Variants in NCKAP5 observed in about 807,000 individuals in gnomAD.
The protein encoded by NCKAP5 is NCK associated protein 5, also known as nck-associated protein 5.
A neutral mutation model predicts 167.0 loss-of-function variants in NCKAP5; 92 were observed. The ratio of observed to expected loss-of-function variants is 0.55; its 90% CI spans 0.47 to 0.66. NCKAP5 has a LOEUF of 0.66. Among genes scored for constraint, NCKAP5 ranks in the 30% least tolerant of loss-of-function variants. The pLI, the probability that NCKAP5 is intolerant of heterozygous loss-of-function variation, is 0.00. For missense variants in NCKAP5, 2,378 were observed against 2,315.0 expected (o/e 1.03, Z -0.56); for synonymous variants, 891 against 877.4 (o/e 1.02, Z -0.27).
chr2:133,538,916 TTG>T (rs1464314793), intron 2 of NCKAP5, among the ~76,000 whole-genome samples: 3 of 149,960 alleles, frequency 2.0e-5, no homozygotes, highest in Non-Finnish European at 3.0e-5. Flanking sequence ...TGGTTTTTTT[TTG>T]TGGTTTTTTT....
chr2:133,466,261 T>C (rs1692578468), intron 3 of NCKAP5, among the ~76,000 whole-genome samples: 2 of 148,168 alleles, frequency 1.3e-5, no homozygotes, highest in Non-Finnish European at 1.5e-5. Context: ...ATTTATTAAA[T>C]AGGGAATCCT....
At chr2:133,170,230 G>C (rs1270788566) in intron 5 of NCKAP5, among the ~76,000 whole-genome samples, 1 of 152,118 alleles carries the variant, frequency 6.6e-6, no homozygotes, top group Non-Finnish European at 1.5e-5. Flanking sequence ...TGCAACGGCT[G>C]GGAACGTGGG....
At chr2:133,569,111 CAAAT>C (rs1454450294), upstream of NCKAP5, among the ~76,000 whole-genome samples, 1 of 152,114 alleles carries the variant, frequency 6.6e-6, no homozygotes, top group Non-Finnish European at 1.5e-5. Flanking sequence ...CTCCAAAAAA[CAAAT>C]AAATAAGAAT....
chr2:132,791,457 C>A (rs1465219717), intron 12 of NCKAP5, among the ~76,000 whole-genome samples: 2 of 152,222 alleles, frequency 1.3e-5, no homozygotes, highest in Non-Finnish European at 2.9e-5. Flanking sequence ...CACATCTTGA[C>A]AGCCACATTA....
the NCKAP5 span, among the ~76,000 whole-genome samples, chr2:133,671,879 C>G: frequency 3.0e-3 from 453 of 152,300 alleles, 3 homozygotes; most frequent in Middle Eastern, 0.024. Flanking sequence ...CCTGCTCCCC[C>G]ATTCCTTCTA....
chr2:133,121,596 T>G (rs1257366939), intron 6 of NCKAP5, among the ~76,000 whole-genome samples: 3 of 152,186 alleles, frequency 2.0e-5, no homozygotes, highest in Admixed American at 2.0e-4. Flanking sequence ...GAAGCATGTA[T>G]GGATATGAAG....
At chr2:133,004,789 A>T (rs1048401239) in intron 6 of NCKAP5, among the ~76,000 whole-genome samples, 2 of 152,194 alleles carry the variant, frequency 1.3e-5, no homozygotes, top group African/African-American at 2.4e-5. Flanking sequence ...AGGGCACTGC[A>T]GGAGACCAGG....
the NCKAP5 span, among the ~76,000 whole-genome samples, chr2:133,627,901 C>A: frequency 1.3e-5 from 2 of 152,168 alleles, no homozygotes; most frequent in South Asian, 4.1e-4. Flanking sequence ...CTTCCCCTGT[C>A]CTTTGAATCT....
At chr2:133,205,875 C>G (rs1194994377) in intron 5 of NCKAP5, among the ~76,000 whole-genome samples, 1 of 151,960 alleles carries the variant, frequency 6.6e-6, no homozygotes, top group Non-Finnish European at 1.5e-5. Context: ...TAGTTTAAAA[C>G]TATATTTTCT....
chr2:133,585,156 A>G, the NCKAP5 span, among the ~76,000 whole-genome samples: 1 of 152,254 alleles, frequency 6.6e-6, no homozygotes, highest in Non-Finnish European at 1.5e-5. Flanking sequence ...AGCAAAATCA[A>G]GATAAAATGA....
chr2:133,393,752 T>C (rs534691942), intron 3 of NCKAP5, among the ~76,000 whole-genome samples: 16 of 152,308 alleles, frequency 1.1e-4, no homozygotes, highest in Admixed American at 2.6e-4. Flanking sequence ...TGGGAGTCCT[T>C]TTGTTCTCTA....
chr2:133,074,051 T>A (rs2080512206), intron 6 of NCKAP5, among the ~76,000 whole-genome samples: 1 of 152,188 alleles, frequency 6.6e-6, no homozygotes, highest in Admixed American at 6.5e-5. Flanking sequence ...CATTTCTCAT[T>A]TTTTCTGTGT....
At chr2:132,751,439 G>A (rs1680104328) in intron 16 of NCKAP5, among the ~76,000 whole-genome samples, 1 of 152,062 alleles carries the variant, frequency 6.6e-6, no homozygotes, top group African/African-American at 2.4e-5. Flanking sequence ...ACCCAGCACA[G>A]CCTCAGGTAT....
intron 4 of NCKAP5, among the ~76,000 whole-genome samples, chr2:133,233,607 T>C (rs755292462): frequency 2.0e-5 from 3 of 152,178 alleles, no homozygotes; most frequent in Non-Finnish European, 4.4e-5. Flanking sequence ...CAATTTTATA[T>C]ACCAAGTGCA....
Position 133,388,700 on chromosome 2 carries a change from G to A in NCKAP5, c.70-85590C>T, listed in dbSNP as rs763320180. Among the ~76,000 whole-genome samples, 66 of 152,274 alleles carry A rather than the reference G, an allele frequency of 4.3e-4. 1 individual carries two copies. Among genetic ancestry groups the A allele is most frequent in the Admixed American group, 2.1e-3 (32 of 15,290 alleles). ...GGGATCCACCCAGTCCAAGCTTCCC[G>A]GCCACTTTGTTTACCTACTCAAGTC... On this transcript the variant is annotated intron_variant, in intron 3 of 19. Coordinates refer to ENST00000409261, the MANE Select transcript of NCKAP5 (RefSeq NM_207363.3).
intron 5 of NCKAP5, among the ~76,000 whole-genome samples, chr2:133,196,832 G>C (rs1402778046): frequency 6.6e-6 from 1 of 152,126 alleles, no homozygotes; most frequent in Non-Finnish European, 1.5e-5. Flanking sequence ...TTTTTTCCTA[G>C]TTTCCCTTCT....
At chr2:132,945,571 A>C (rs1167666628) in intron 8 of NCKAP5, among the ~76,000 whole-genome samples, 2 of 152,112 alleles carry the variant, frequency 1.3e-5, no homozygotes, top group African/African-American at 2.4e-5. Flanking sequence ...AGCCCACAGC[A>C]CCCAGTGTCA....
At chr2:133,650,655 G>C in the NCKAP5 span, among the ~76,000 whole-genome samples, 684 of 152,140 alleles carry the variant, frequency 4.5e-3, 2 homozygotes, top group African/African-American at 0.015. Context: ...CAGGTGGATT[G>C]CCTAAGGTCA....
the NCKAP5 span, among the ~76,000 whole-genome samples, chr2:133,638,695 T>C: frequency 2.6e-5 from 4 of 151,696 alleles, no homozygotes; most frequent in Non-Finnish European, 4.4e-5. Context: ...CCATCTCTAC[T>C]AAAAAATACA....
Sources: gnomAD v4.1 joint callset for allele counts (sites outside exome capture counted in the v4.1 genomes callset) on GRCh38, gnomAD v4.1.1 for gene constraint, MANE v1.5 for transcripts, NCBI Gene and HGNC (gene_info 2026-07-23, HGNC 2026-07-21) for gene names.